The following SLC38A4 variants were observed in gnomAD, a reference collection of about 807,000 sequenced individuals.
SLC38A4 encodes the protein sodium-coupled neutral amino acid transporter 4.
SLC38A4 carries 20 observed loss-of-function variants against 63.1 expected under a neutral mutation model. The ratio of observed to expected loss-of-function variants is 0.32; its 90% CI spans 0.22 to 0.46. The LOEUF (loss-of-function observed/expected upper bound fraction) is 0.46. SLC38A4 is among the 20% of genes least tolerant of loss of function. The pLI is 1.00. For synonymous variants in SLC38A4, 230 were observed against 225.5 expected (o/e 1.02, Z -0.18); for missense variants, 526 against 663.6 (o/e 0.79, Z 2.28).
At position 46,768,408 on chromosome 12, in the gene SLC38A4, C is replaced by T. The variant is rs1453469567; in HGVS notation, c.1445-1G>A. 5 of 1,607,750 alleles carry T rather than the reference C, an allele frequency of 3.1e-6. No individual in the cohort carries two copies. Among genetic ancestry groups the T allele is most frequent in the African/African-American group, 1.3e-5 (1 of 74,714 alleles). On this transcript the variant is annotated splice_acceptor_variant, in intron 15 of 16. Transcript: ENST00000266579. LOFTEE classifies it high-confidence loss of function. Reference sequence around the variant, plus strand: ...ATCAGCATAGTGGCAGAAGAAGCCCCTGAGAAGACAAACACAGGGCAAGGT... The same window carrying T: ...ATCAGCATAGTGGCAGAAGAAGCCCTTGAGAAGACAAACACAGGGCAAGGT...
At position 46,765,988 on chromosome 12, in the gene SLC38A4, T is replaced by G. The variant is rs1318202033; in HGVS notation, c.*713A>C. On this transcript the variant is annotated 3_prime_UTR_variant, in exon 17 of 17. Transcript: ENST00000266579. ...GTTTAGCTATAAGCATTATTTTTGT[T>G]GTTGCTCTATGATTGAAATAAAGCC... 1 of 157,740 alleles carries G rather than the reference T, an allele frequency of 6.3e-6. No homozygotes were observed. Among genetic ancestry groups the G allele is most frequent in the African/African-American group, 2.4e-5 (1 of 41,482 alleles). 9.8% of individuals were successfully genotyped at this position (157,740 alleles called of 1,614,324 possible).
intron 1 of SLC38A4, among the ~76,000 whole-genome samples, chr12:46,820,170 C>G (rs1939512965): frequency 6.6e-6 from 1 of 151,836 alleles, no homozygotes; most frequent in Non-Finnish European, 1.5e-5. Context: ...TCTTTGTGTC[C>G]TTTTGTTTAG....
chr12:46,812,465 C>A (rs1172346143), intron 1 of SLC38A4, among the ~76,000 whole-genome samples: 1 of 152,012 alleles, frequency 6.6e-6, no homozygotes, highest in Non-Finnish European at 1.5e-5. Context: ...TGCTAACACT[C>A]AGTGCTGGAC....
intron 3 of SLC38A4, among the ~76,000 whole-genome samples, chr12:46,791,009 G>T (rs1207982173): frequency 6.6e-6 from 1 of 152,136 alleles, no homozygotes; most frequent in Non-Finnish European, 1.5e-5. Context: ...ATTGCATGAA[G>T]CTTAAGAAAA....
chr12:46,819,887 A>T (rs1939506909), intron 1 of SLC38A4, among the ~76,000 whole-genome samples: 1 of 151,966 alleles, frequency 6.6e-6, no homozygotes, highest in Admixed American at 6.6e-5. Context: ...AGTATTAATT[A>T]ACTAGCACTC....
At chr12:46,811,063 ATGT>A (rs1939331552) in intron 1 of SLC38A4, among the ~76,000 whole-genome samples, 1 of 152,036 alleles carries the variant, frequency 6.6e-6, no homozygotes, top group South Asian at 2.1e-4. Flanking sequence ...ATTTTTTACA[ATGT>A]TGTGAGATAA....
intron 13 of SLC38A4, among the ~76,000 whole-genome samples, chr12:46,776,339 T>C (rs1418673277): frequency 6.6e-6 from 1 of 152,018 alleles, no homozygotes; most frequent in Admixed American, 6.6e-5. Flanking sequence ...TAGTCACTTT[T>C]TTTTGGTGGT....
intron 1 of SLC38A4, among the ~76,000 whole-genome samples, chr12:46,815,314 T>C (rs1335593102): frequency 7.5e-6 from 1 of 132,452 alleles, no homozygotes; most frequent in Non-Finnish European, 1.6e-5. Flanking sequence ...CACACAGAGA[T>C]TGAGAATATG....
chr12:46,773,211 T>C (rs1418493255), intron 14 of SLC38A4, among the ~76,000 whole-genome samples: 2 of 150,858 alleles, frequency 1.3e-5, no homozygotes, highest in Non-Finnish European at 3.0e-5. Flanking sequence ...AAAGAGTGTC[T>C]ATGCTTTTGC....
chr12:46,775,108 T>C lies in SLC38A4; in HGVS notation c.1240A>G (p.Met414Val). 6.2e-7 allele frequency: 1 copy of C among 1,612,868 alleles called. No homozygotes were observed. The highest frequency in any genetic ancestry group is 8.5e-7 in the Non-Finnish European group (1 of 1,179,198). Residue 414 changes from methionine to valine, a missense_variant, in exon 14 of 17, where the codon ATG becomes GTG. Physicochemically the swap from Met to Val is conservative, Grantham distance 21. Coordinates refer to ENST00000266579, the MANE Select transcript of SLC38A4 (RefSeq NM_018018.5). Reference sequence around the variant, plus strand: ...GCCACAAGGACTGCCAGGCGAACCATGAGAAGAGGGATGTCTAATGTATAC... The same window carrying C: ...GCCACAAGGACTGCCAGGCGAACCACGAGAAGAGGGATGTCTAATGTATAC... ...KVYTLDIPLLMVRLAVLVAVT... is the reference protein window; with the variant it reads ...KVYTLDIPLLVVRLAVLVAVT...
rs1185823440 is a variant in SLC38A4 at position 46,765,181 on chromosome 12, C to A, written c.*1520G>T. On this transcript the variant is annotated 3_prime_UTR_variant, in exon 17 of 17. Coordinates refer to ENST00000266579, the MANE Select transcript of SLC38A4 (RefSeq NM_018018.5). ...ATTGGCTTTACTAAAATATAAAATA[C>A]ACAAGTGATCTTACTATGATTTGAA... is the stretch of plus-strand genomic sequence containing the variant. 1 of 153,422 alleles carries A rather than the reference C, an allele frequency of 6.5e-6. No individual in the cohort carries two copies. Among genetic ancestry groups the A allele is most frequent in the African/African-American group, 2.4e-5 (1 of 41,322 alleles). The allele number at this position is 153,422 out of a possible 1,614,324, so 9.5% of individuals were successfully genotyped here.
intron 7 of SLC38A4, among the ~76,000 whole-genome samples, chr12:46,780,949 C>G (rs1938625040): frequency 6.6e-6 from 1 of 152,018 alleles, no homozygotes. Context: ...GTGTGTCCTA[C>G]ATCCTTCTAG....
intron 15 of SLC38A4, 68 bp from the exon 16 acceptor site, chr12:46,768,475 A>C (rs1938343783): frequency 1.8e-6 from 2 of 1,121,052 alleles, no homozygotes; most frequent in Non-Finnish European, 2.6e-6. Flanking sequence ...AGATGCCAGC[A>C]CACACTTTAA....
chr12:46,793,466 A>G (rs1460052501), intron 2 of SLC38A4, among the ~76,000 whole-genome samples: 1 of 152,146 alleles, frequency 6.6e-6, no homozygotes, highest in African/African-American at 2.4e-5. Flanking sequence ...GGAAAAAAAA[A>G]GAAATCTTAA....
chr12:46,799,521 C>T (rs1441472933), intron 2 of SLC38A4, among the ~76,000 whole-genome samples: 1 of 152,010 alleles, frequency 6.6e-6, no homozygotes, highest in Non-Finnish European at 1.5e-5. Context: ...TGGTTTGAAC[C>T]CGGGGTCGGA....
At chr12:46,793,269 T>A (rs963418272) in intron 2 of SLC38A4, 86 bp from the exon 3 acceptor site, 2 of 363,590 alleles carry the variant, frequency 5.5e-6, no homozygotes, top group African/African-American at 2.1e-5. Flanking sequence ...GTATGCTCTC[T>A]GTAAAAGGGA....
At chr12:46,768,056 A>G (rs1938334322) in intron 16 of SLC38A4, among the ~76,000 whole-genome samples, 1 of 152,142 alleles carries the variant, frequency 6.6e-6, no homozygotes, top group Middle Eastern at 3.2e-3. Flanking sequence ...TGCCTGAAGC[A>G]TATGTGTCTG....
chr12:46,790,992 G>A (rs138888047), intron 3 of SLC38A4, among the ~76,000 whole-genome samples: 37 of 152,214 alleles, frequency 2.4e-4, no homozygotes, highest in East Asian at 9.7e-4. Flanking sequence ...TGAGTGGTTC[G>A]GAACACATTG....
At position 46,766,335 on chromosome 12, in the gene SLC38A4, A is replaced by G. The variant is rs894023242; in HGVS notation, c.*366T>C. On this transcript the variant is annotated 3_prime_UTR_variant, in exon 17 of 17. Coordinates refer to ENST00000266579, the MANE Select transcript of SLC38A4 (RefSeq NM_018018.5). ...TGTTCTGAGAATGCAAATGTTTGGT[A>G]CTTTTTTAGGGGGTGCAGGATGAGG... The G allele has an allele frequency of 3.5e-5, 16 of 453,058 alleles. No individual in the cohort carries two copies. Among genetic ancestry groups the G allele is most frequent in the Non-Finnish European group, 6.7e-5 (15 of 225,060 alleles). 28.1% of individuals were successfully genotyped at this position (453,058 alleles called of 1,614,324 possible). A position where few individuals can be genotyped will look rare whatever the true frequency, so the allele number is the denominator to read the frequency against.
Sources: allele counts gnomAD v4.1 joint callset (sites outside exome capture counted in the v4.1 genomes callset), GRCh38; gene constraint gnomAD v4.1.1; transcripts MANE v1.5; gene names NCBI Gene and HGNC (gene_info 2026-07-23, HGNC 2026-07-21).